The following MCC variants were observed in gnomAD, a reference collection of about 807,000 sequenced individuals.
MCC encodes colorectal mutant cancer protein.
MCC carries 90 observed loss-of-function variants against 116.2 expected under a neutral mutation model. The observed-to-expected ratio is 0.77, with a 90% CI of 0.65 to 0.92. The LOEUF is 0.92. Among genes scored for constraint, MCC ranks in the 40% least tolerant of loss-of-function variants. The pLI, the probability that MCC is intolerant of heterozygous loss-of-function variation, is 0.00. For missense variants in MCC, 1,516 were observed against 1,312.2 expected (o/e 1.16, Z -2.40); for synonymous variants, 578 against 510.5 (o/e 1.13, Z -1.78).
intron 3 of MCC, among the ~76,000 whole-genome samples, chr5:113,326,370 T>A (rs550247890): frequency 6.6e-6 from 1 of 152,346 alleles, no homozygotes; most frequent in East Asian, 1.9e-4. Flanking sequence ...AGAATTTTAC[T>A]CTCACAGTTC....
intron 3 of MCC, among the ~76,000 whole-genome samples, chr5:113,185,069 C>T (rs541225542): frequency 1.3e-5 from 2 of 152,292 alleles, no homozygotes; most frequent in East Asian, 1.9e-4. Flanking sequence ...AACAACCACA[C>T]CACGTTAGGC....
At chr5:113,085,412 C>T (rs1755145036) in intron 8 of MCC, 102 bp from the exon 9 acceptor site, 5 of 1,162,770 alleles carry the variant, frequency 4.3e-6, no homozygotes, top group Non-Finnish European at 6.1e-6. Context: ...ATTGAGGGAT[C>T]AGCCCACTGA....
At chr5:113,051,954 G>C (rs1004987108) in intron 15 of MCC, among the ~76,000 whole-genome samples, 1 of 152,010 alleles carries the variant, frequency 6.6e-6, no homozygotes, top group Non-Finnish European at 1.5e-5. Context: ...AAAAGGGGAC[G>C]GCTCTGATAT....
In MCC at chr5:113,023,353, T is replaced by TATATC. The variant is rs1750293066; in HGVS notation, c.*3944_*3948dup. ...AGTGCTCAAAGGTGAATCAAACTTG[T>TATATC]ATATCATTCCTTGTCAAATAGGCTG... On this transcript the variant is annotated 3_prime_UTR_variant, in exon 19 of 19. Transcript: ENST00000408903. 1 of 152,252 alleles carries TATATC rather than the reference T, an allele frequency of 6.6e-6. No homozygotes were observed. The highest frequency in any genetic ancestry group is 2.4e-5 in the African/African-American group (1 of 41,470). 9.4% of individuals were successfully genotyped at this position (152,252 alleles called of 1,614,324 possible).
At chr5:113,112,106 T>C (rs1246602061) in intron 6 of MCC, among the ~76,000 whole-genome samples, 2 of 152,138 alleles carry the variant, frequency 1.3e-5, no homozygotes, top group Non-Finnish European at 2.9e-5. Flanking sequence ...TTTACCAGAA[T>C]GACTTTGCTC....
At position 113,175,097 on chromosome 5, in the gene MCC, A is replaced by G. The variant is rs563611352; in HGVS notation, c.628-23675T>C. ...GGGCCTGAGTTAGCTCTTCCGTGAT[A>G]TACTTCTGTGTTGTTTGACTTGTTC... is the stretch of plus-strand genomic sequence containing the variant. On this transcript the variant is annotated intron_variant, in intron 3 of 18. Transcript: ENST00000408903. 2.6e-5 allele frequency among the ~76,000 whole-genome samples: 4 copies of G among 152,326 alleles called. No homozygotes were observed. In the East Asian group the frequency reaches 7.7e-4, roughly 29 times the overall value.
At chr5:113,082,119 G>A (rs753481113) in intron 11 of MCC, among the ~76,000 whole-genome samples, 64 of 152,280 alleles carry the variant, frequency 4.2e-4, no homozygotes, top group South Asian at 1.2e-3. Context: ...CCTCATCACT[G>A]GCATGACACA....
intron 1 of MCC, among the ~76,000 whole-genome samples, chr5:113,486,940 A>G (rs2150438474): frequency 6.6e-6 from 1 of 152,300 alleles, no homozygotes; most frequent in South Asian, 2.1e-4. Context: ...GGAAAACTAT[A>G]TAATGAAATT....
In MCC at chr5:113,418,689, TATC is replaced by T. The variant is rs58461374; in HGVS notation, c.171-33480_171-33478del. Among the ~76,000 whole-genome samples the T allele has an allele frequency of 2.6e-3, 341 of 131,212 alleles. 2 individuals carry two copies. Among genetic ancestry groups the T allele is most frequent in the African/African-American group, 5.9e-3 (194 of 32,810 alleles). The allele number at this position is 131,212 out of a possible 152,430, so 86.1% of individuals were successfully genotyped here. A position where few individuals can be genotyped will look rare whatever the true frequency, so the allele number is the denominator to read the frequency against. On this transcript the variant is annotated intron_variant, in intron 1 of 18. Transcript: ENST00000408903. The stretch of plus-strand genomic sequence containing the variant: ...CAAGTGGCAAAATCTTCATCATTAT[TATC>T]ATCATCATCATCATCATCATCAAGA...
chr5:113,081,286 T>A (rs914630996), intron 11 of MCC, among the ~76,000 whole-genome samples: 1 of 152,198 alleles, frequency 6.6e-6, no homozygotes, highest in African/African-American at 2.4e-5. Flanking sequence ...AGCTACTTAA[T>A]AGCTCTGGAT....
intron 2 of MCC, among the ~76,000 whole-genome samples, chr5:113,381,147 C>T (rs537663813): frequency 1.3e-5 from 2 of 152,294 alleles, no homozygotes; most frequent in Admixed American, 1.3e-4. Flanking sequence ...GATTTGGACA[C>T]GGTGATGGCA....
At chr5:113,296,675 T>TAAAACA (rs1766720736) in intron 3 of MCC, among the ~76,000 whole-genome samples, 1 of 152,116 alleles carries the variant, frequency 6.6e-6, no homozygotes, top group Admixed American at 6.5e-5. Flanking sequence ...TTAAGTGCCA[T>TAAAACA]GTTAAAAAAA....
intron 3 of MCC, among the ~76,000 whole-genome samples, chr5:113,327,561 A>AAATATATATAT (rs1480996383): frequency 4.0e-4 from 32 of 80,554 alleles, no homozygotes; most frequent in African/African-American, 1.4e-3. Flanking sequence ...AAAAAAAAAA[A>AAATATATATAT]ATATATATAT....
chr5:113,281,164 A>G (rs1037352614), intron 3 of MCC, among the ~76,000 whole-genome samples: 3 of 152,222 alleles, frequency 2.0e-5, no homozygotes, highest in African/African-American at 7.2e-5. Flanking sequence ...CTTCGTTGCT[A>G]TGGGGGATAT....
intron 3 of MCC, among the ~76,000 whole-genome samples, chr5:113,214,841 G>A (rs1763252436): frequency 6.6e-6 from 1 of 152,136 alleles, no homozygotes; most frequent in Admixed American, 6.5e-5. Context: ...GCTCCTCATT[G>A]CCATCAGGAT....
intron 8 of MCC, among the ~76,000 whole-genome samples, chr5:113,086,483 G>A (rs1449810698): frequency 6.6e-6 from 1 of 152,222 alleles, no homozygotes; most frequent in East Asian, 1.9e-4. Context: ...CCCTGGAATA[G>A]TAGGTAGGAA....
At chr5:113,333,574 C>G (rs539279196) in intron 3 of MCC, among the ~76,000 whole-genome samples, 1 of 150,704 alleles carries the variant, frequency 6.6e-6, no homozygotes, top group East Asian at 1.9e-4. Flanking sequence ...AAAGTTGAAG[C>G]CAAGTCATCC....
At chr5:113,302,702 G>A (rs868328422) in intron 3 of MCC, among the ~76,000 whole-genome samples, 3 of 152,154 alleles carry the variant, frequency 2.0e-5, no homozygotes, top group South Asian at 2.1e-4. Context: ...GAAACAAACT[G>A]TAATGATGAA....
intron 1 of MCC, among the ~76,000 whole-genome samples, chr5:113,410,753 C>T (rs1278644862): frequency 6.6e-6 from 1 of 152,176 alleles, no homozygotes; most frequent in African/African-American, 2.4e-5. Context: ...CTATCCCTCC[C>T]CCAACGCTCC....
Sources: gnomAD v4.1 joint callset for allele counts (sites outside exome capture counted in the v4.1 genomes callset) on GRCh38, gnomAD v4.1.1 for gene constraint, MANE v1.5 for transcripts, NCBI Gene and HGNC (gene_info 2026-07-23, HGNC 2026-07-21) for gene names.